The following SFMBT1 variants were observed in gnomAD, a reference collection of about 807,000 sequenced individuals.
SFMBT1 encodes scm-like with four MBT domains protein 1.
A neutral mutation model predicts 108.7 loss-of-function variants in SFMBT1; 32 were observed. The ratio of observed to expected loss-of-function variants is 0.29; its 90% CI spans 0.22 to 0.40. The LOEUF (loss-of-function observed/expected upper bound fraction) is 0.40, where lower values mean the gene tolerates loss of function less well. SFMBT1 is among the 10% of genes least tolerant of loss of function. The pLI, the probability that SFMBT1 is intolerant of heterozygous loss-of-function variation, is 1.00. For missense variants in SFMBT1, 816 were observed against 1,059.6 expected (o/e 0.77, Z 3.19); for synonymous variants, 348 against 369.5 (o/e 0.94, Z 0.67).
chr3:52,977,313 A>T (rs922584254), intron 1 of SFMBT1, among the ~76,000 whole-genome samples: 1 of 152,166 alleles, frequency 6.6e-6, no homozygotes, highest in Non-Finnish European at 1.5e-5. Flanking sequence ...GTTCGAGACC[A>T]GCCTGAAAAA....
chr3:52,907,467 A>G (rs1202109245), intron 18 of SFMBT1, 88 bp downstream of exon 18: 4 of 1,528,682 alleles, frequency 2.6e-6, no homozygotes, highest in East Asian at 4.5e-5. Context: ...GATCTGAGTT[A>G]GAAAGACCTG....
intron 1 of SFMBT1, among the ~76,000 whole-genome samples, chr3:53,006,369 G>A (rs1054770675): frequency 3.9e-5 from 6 of 152,222 alleles, no homozygotes; most frequent in East Asian, 3.9e-4. Flanking sequence ...GGTGGCTCAC[G>A]CCTGTAATCC....
chr3:52,929,518 C>T (rs956490396), intron 8 of SFMBT1, among the ~76,000 whole-genome samples: 2 of 152,230 alleles, frequency 1.3e-5, no homozygotes, highest in African/African-American at 2.4e-5. Flanking sequence ...GGATGACAGG[C>T]GTGAGCCACC....
chr3:52,985,784 G>T (rs1311941935), intron 1 of SFMBT1, among the ~76,000 whole-genome samples: 6 of 152,128 alleles, frequency 3.9e-5, no homozygotes, highest in Non-Finnish European at 8.8e-5. Flanking sequence ...TAACACAATG[G>T]TAAGTATTTG....
At chr3:52,927,528 A>G (rs142954725) in intron 9 of SFMBT1, among the ~76,000 whole-genome samples, 117 of 152,344 alleles carry the variant, frequency 7.7e-4, no homozygotes, top group Non-Finnish European at 1.4e-3. Context: ...GCTAATATTA[A>G]AAAATCAGAT....
intron 1 of SFMBT1, among the ~76,000 whole-genome samples, chr3:52,993,618 T>C (rs994682317): frequency 6.7e-6 from 1 of 149,666 alleles, no homozygotes; most frequent in Non-Finnish European, 1.5e-5. Flanking sequence ...GAGGTACAAC[T>C]ATGTAGAAAC....
chr3:52,960,519 T>C (rs1024959240), intron 2 of SFMBT1, among the ~76,000 whole-genome samples: 4 of 152,112 alleles, frequency 2.6e-5, no homozygotes, highest in Non-Finnish European at 4.4e-5. Flanking sequence ...ATATGGAGAA[T>C]TAAGAATGGT....
intron 15 of SFMBT1, among the ~76,000 whole-genome samples, chr3:52,912,960 A>G (rs1702251381): frequency 1.3e-5 from 2 of 152,156 alleles, no homozygotes; most frequent in South Asian, 2.1e-4. Context: ...ACAGAAAATT[A>G]TATTTGTTTG....
At position 52,906,172 on chromosome 3, in the gene SFMBT1, C is replaced by T. The variant is rs770982459; in HGVS notation, c.2401G>A (p.Val801Ile). ...TCAGTGGATCTGATGAACCGCACAACGTCTGCCACACTCCACTTCAAGGGG... is the reference window on the plus strand; with the variant it reads ...TCAGTGGATCTGATGAACCGCACAATGTCTGCCACACTCCACTTCAAGGGG... ...SNPLKWSVAD[V>I]VRFIRSTDCA... The change falls in exon 20 of 21, where the codon GTT becomes ATT. Residue 801 changes from valine (V) to isoleucine (I), a missense_variant. Val to Ile is a conservative substitution (Grantham distance 29). Transcript: ENST00000394752. The T allele has an allele frequency of 3.1e-6, 5 of 1,614,008 alleles. No individual in the cohort carries two copies. Among genetic ancestry groups the T allele is most frequent in the Non-Finnish European group, 4.2e-6 (5 of 1,179,992 alleles).
intron 1 of SFMBT1, among the ~76,000 whole-genome samples, chr3:52,979,371 A>G (rs1559535021): frequency 6.6e-6 from 1 of 152,214 alleles, no homozygotes. Flanking sequence ...ATGAAGTCCA[A>G]ACAGGTGTTC....
intron 9 of SFMBT1, among the ~76,000 whole-genome samples, chr3:52,926,689 A>G (rs1431696340): frequency 1.3e-5 from 2 of 152,148 alleles, no homozygotes; most frequent in Non-Finnish European, 2.9e-5. Flanking sequence ...AGAAAAATCA[A>G]GCTTAGCACC....
chr3:53,038,430 A>C (rs943017802), intron 1 of SFMBT1, among the ~76,000 whole-genome samples: 8 of 152,234 alleles, frequency 5.3e-5, no homozygotes, highest in Non-Finnish European at 1.0e-4. Context: ...CTATTCTTCA[A>C]TGGTTTCCAG....
chr3:52,958,537 G>A (rs901868265), intron 2 of SFMBT1, among the ~76,000 whole-genome samples: 3 of 152,202 alleles, frequency 2.0e-5, no homozygotes, highest in African/African-American at 7.2e-5. Context: ...GTGGCAGTGA[G>A]CAGAGATCAC....
intron 9 of SFMBT1, 27 bp from the exon 10 acceptor site, chr3:52,926,140 T>C (rs773180875): frequency 1.8e-5 from 29 of 1,595,638 alleles, no homozygotes; most frequent in Non-Finnish European, 2.3e-5. Flanking sequence ...GAACAATGAG[T>C]CACACTACCA....
chr3:53,038,863 T>C (rs914063553), intron 1 of SFMBT1, among the ~76,000 whole-genome samples: 9 of 152,226 alleles, frequency 5.9e-5, no homozygotes, highest in Non-Finnish European at 1.0e-4. Context: ...AGTCACTGAA[T>C]ATGCCTTTCA....
At chr3:52,967,311 TGAAAA>T (rs1704181422) in intron 2 of SFMBT1, among the ~76,000 whole-genome samples, 1 of 152,072 alleles carries the variant, frequency 6.6e-6, no homozygotes, top group African/African-American at 2.4e-5. Flanking sequence ...ACAGGCATGT[TGAAAA>T]GAAAAGGATG....
At chr3:52,980,366 G>A (rs955249797) in intron 1 of SFMBT1, among the ~76,000 whole-genome samples, 2 of 152,066 alleles carry the variant, frequency 1.3e-5, no homozygotes, top group East Asian at 3.9e-4. Flanking sequence ...TCATCTCCAC[G>A]TGGGCAATTC....
At chr3:52,911,257 TA>T (rs1398628460) in intron 16 of SFMBT1, 79 bp from the exon 17 acceptor site, 1 of 1,404,748 alleles carries the variant, frequency 7.1e-7, no homozygotes, top group Non-Finnish European at 9.6e-7. Context: ...TTAATACACC[TA>T]AAAAATATTT....
chr3:53,042,346 T>C (rs932698129), intron 1 of SFMBT1, among the ~76,000 whole-genome samples: 7 of 152,104 alleles, frequency 4.6e-5, no homozygotes, highest in Non-Finnish European at 7.4e-5. Flanking sequence ...ACTGGGTTGG[T>C]TGGTTTGTTT....
Sources: allele counts gnomAD v4.1 joint callset (sites outside exome capture counted in the v4.1 genomes callset), GRCh38; gene constraint gnomAD v4.1.1; transcripts MANE v1.5; gene names NCBI Gene and HGNC (gene_info 2026-07-23, HGNC 2026-07-21).